The following XRRA1 variants were observed in gnomAD, a reference collection of about 807,000 sequenced individuals.
XRRA1 encodes X-ray radiation resistance-associated protein 1.
A neutral mutation model predicts 80.2 loss-of-function variants in XRRA1; 69 were observed. The observed-to-expected ratio is 0.86, with a 90% CI of 0.71 to 1.05. The LOEUF (loss-of-function observed/expected upper bound fraction) is 1.05, where lower values mean the gene tolerates loss of function less well. XRRA1 is among the 50% of genes least tolerant of loss of function. XRRA1 has a pLI of 0.00. For missense variants in XRRA1, 967 were observed against 976.4 expected (o/e 0.99, Z 0.13); for synonymous variants, 348 against 389.9 (o/e 0.89, Z 1.27).
Position 74,843,210 on chromosome 11 carries a change from G to A in XRRA1, c.2393C>T (p.Ser798Leu). The change falls in exon 19 of 19, where the codon TCA (serine) becomes TTA (leucine). Residue 798 changes from serine to leucine, a missense_variant. Ser to Leu is a moderately radical substitution (Grantham distance 145). Transcript: ENST00000684022. ...EFCQEPTASDSQG is the reference protein window; with the variant it reads ...EFCQEPTASDLQG ...CCCCCATGCACAGCTCTAGCCTTGT[G>A]AGTCACTGGCTGTGGGCTCCTGGCA... The A allele has an allele frequency of 1.3e-6, 2 of 1,557,108 alleles. No homozygotes were observed. The highest frequency in any genetic ancestry group is 1.7e-6 in the Non-Finnish European group (2 of 1,150,390).
intron 12 of XRRA1, among the ~76,000 whole-genome samples, chr11:74,853,784 C>T (rs1001312051): frequency 2.6e-5 from 4 of 152,138 alleles, no homozygotes; most frequent in Non-Finnish European, 5.9e-5. Flanking sequence ...TGAAAGGCCT[C>T]ATAGCCTGCT....
At chr11:74,930,512 C>T in intron 5 of XRRA1, 140 bp from the exon 6 acceptor site, 2 of 650,628 alleles carry the variant, frequency 3.1e-6, no homozygotes, top group Non-Finnish European at 5.3e-6. Flanking sequence ...CAGGAGCAGA[C>T]ACTTGAGTGC....
chr11:74,940,679 G>T, intron 3 of XRRA1, 106 bp downstream of exon 3: 1 of 895,008 alleles, frequency 1.1e-6, no homozygotes, highest in Non-Finnish European at 1.8e-6. Context: ...ATTAGGTAGA[G>T]CAGGGAACAG....
At chr11:74,919,488 A>G (rs1385222700) in intron 8 of XRRA1, 1 of 251,230 alleles carries the variant, frequency 4.0e-6, no homozygotes, top group Non-Finnish European at 7.8e-6. Context: ...AATTAATACC[A>G]TCTATTTGTA....
intron 7 of XRRA1, among the ~76,000 whole-genome samples, chr11:74,923,038 G>A (rs1941296992): frequency 6.6e-6 from 1 of 152,184 alleles, no homozygotes; most frequent in African/African-American, 2.4e-5. Context: ...TGGGATAGAT[G>A]TCTGAAGACA....
At chr11:74,879,523 G>C (rs1590917620) in intron 10 of XRRA1, among the ~76,000 whole-genome samples, 1 of 152,014 alleles carries the variant, frequency 6.6e-6, no homozygotes, top group East Asian at 1.9e-4. Flanking sequence ...TGGTGAGAGA[G>C]GGCATCCCTG....
At position 74,841,217 on chromosome 11, in the gene XRRA1, A is replaced by G. The variant is rs767424748; in HGVS notation, c.*1983T>C. ...ATTGTCCTCAGGCAGCCTTTTCCTC[A>G]TCAACCCATAGAGTGGTCTTTTGAA... On this transcript the variant is annotated 3_prime_UTR_variant, in exon 19 of 19. Transcript: ENST00000684022. The G allele has an allele frequency of 6.6e-6, 1 of 152,212 alleles. No individual in the cohort carries two copies. Among genetic ancestry groups the G allele is most frequent in the Non-Finnish European group, 1.5e-5 (1 of 68,032 alleles). The allele number at this position is 152,212 out of a possible 1,614,324, so 9.4% of individuals were successfully genotyped here.
chr11:74,856,293 A>G (rs1028180516), intron 12 of XRRA1, among the ~76,000 whole-genome samples: 5 of 152,252 alleles, frequency 3.3e-5, no homozygotes, highest in African/African-American at 1.2e-4. Flanking sequence ...ATGTGACAAT[A>G]GACAAAAAGA....
chr11:74,903,431 C>A (rs567165475), intron 10 of XRRA1, among the ~76,000 whole-genome samples: 1 of 152,142 alleles, frequency 6.6e-6, no homozygotes, highest in East Asian at 1.9e-4. Flanking sequence ...AGGCTGGGCG[C>A]GGTGGCTCAC....
rs531023709 is a variant in XRRA1, at chr11:74,887,594, G to A, written c.1003+18645C>T. 1.4e-3 allele frequency among the ~76,000 whole-genome samples: 211 copies of A among 152,264 alleles called. 1 individual carries two copies. The highest frequency in any genetic ancestry group is 4.7e-3 in the African/African-American group (194 of 41,562). On this transcript the variant is annotated intron_variant, in intron 10 of 18. Coordinates refer to ENST00000684022, the MANE Select transcript of XRRA1 (RefSeq NM_001378157.1). ...GTGGGTGCAGGACAGTGGGTGCAGCGCACCGAGTGTGAGCCAAAGCAGGGC... is the reference window on the plus strand; with the variant it reads ...GTGGGTGCAGGACAGTGGGTGCAGCACACCGAGTGTGAGCCAAAGCAGGGC...
At chr11:74,881,122 C>G (rs2047456191) in intron 10 of XRRA1, among the ~76,000 whole-genome samples, 1 of 147,796 alleles carries the variant, frequency 6.8e-6, no homozygotes, top group East Asian at 2.0e-4. Context: ...TCACTCAGGA[C>G]TTGCTTTATG....
chr11:74,917,260 T>TA (rs746064743), intron 8 of XRRA1, among the ~76,000 whole-genome samples: 42 of 152,232 alleles, frequency 2.8e-4, no homozygotes, highest in Non-Finnish European at 5.6e-4. Context: ...ATATATTTCT[T>TA]ATTCTAATTT....
chr11:74,865,267 A>G (rs1214445515), intron 10 of XRRA1, among the ~76,000 whole-genome samples: 3 of 152,070 alleles, frequency 2.0e-5, no homozygotes, highest in Non-Finnish European at 4.4e-5. Context: ...TCCAGCCTCT[A>G]CCTCACAGCA....
At position 74,843,265 on chromosome 11, in the gene XRRA1, C is replaced by T. The variant is rs1328814911; in HGVS notation, c.2338G>A (p.Gly780Ser). Residue 780 changes from glycine to serine, a missense_variant, in exon 19 of 19, where the codon GGC (glycine) becomes AGC (serine). Physicochemically the swap from Gly to Ser is moderately conservative, Grantham distance 56. Coordinates refer to ENST00000684022, the MANE Select transcript of XRRA1 (RefSeq NM_001378157.1). Reference sequence around the variant, plus strand: ...TCATCCATGAACTCGAGGAAGTGGCCGAACTTGGGCTGGCTCTCACTCAGC... The same window carrying T: ...TCATCCATGAACTCGAGGAAGTGGCTGAACTTGGGCTGGCTCTCACTCAGC... ...PALSESQPKF[G>S]HFLEFMDEFC... is the part of the protein sequence containing the mutation. The T allele has an allele frequency of 8.2e-6, 13 of 1,576,634 alleles. No individual in the cohort carries two copies. The highest frequency in any genetic ancestry group is 1.7e-4 in the Middle Eastern group (1 of 6,042).
chr11:74,890,259 G>A (rs1265338696), intron 10 of XRRA1, among the ~76,000 whole-genome samples: 4 of 152,100 alleles, frequency 2.6e-5, no homozygotes, highest in Admixed American at 6.6e-5. Flanking sequence ...ACTCAAACCC[G>A]CTCAACTACA....
intron 10 of XRRA1, among the ~76,000 whole-genome samples, chr11:74,889,782 C>G (rs2050141439): frequency 6.6e-6 from 1 of 152,104 alleles, no homozygotes; most frequent in Admixed American, 6.6e-5. Flanking sequence ...GACTTTAAAC[C>G]AACAAAGATC....
At chr11:74,904,276 G>C (rs1160097781) in intron 10 of XRRA1, among the ~76,000 whole-genome samples, 1 of 152,108 alleles carries the variant, frequency 6.6e-6, no homozygotes, top group African/African-American at 2.4e-5. Flanking sequence ...TCTAGGTGTT[G>C]ATAGACAAAA....
At chr11:74,892,385 C>T (rs529249960) in intron 10 of XRRA1, among the ~76,000 whole-genome samples, 1 of 151,946 alleles carries the variant, frequency 6.6e-6, no homozygotes, top group South Asian at 2.1e-4. Flanking sequence ...CCGTCCTTAC[C>T]CCTTATACAA....
At position 74,933,884 on chromosome 11, in the gene XRRA1, T is replaced by C. The variant is rs755577057; in HGVS notation, c.280-12A>G. 2.5e-6 allele frequency: 4 copies of C among 1,597,958 alleles called. No individual in the cohort carries two copies. Among genetic ancestry groups the C allele is most frequent in the Non-Finnish European group, 3.4e-6 (4 of 1,171,902 alleles). ...CAGTGGTGCTTCAGCTGGAACATAA[T>C]ACAAAGAGTTGTCTCTTAAGGCCCC... On this transcript the variant is annotated splice_polypyrimidine_tract_variant and intron_variant, in intron 4 of 18. Transcript: ENST00000684022.
Sources: gnomAD v4.1 joint callset for allele counts (sites outside exome capture counted in the v4.1 genomes callset) on GRCh38, gnomAD v4.1.1 for gene constraint, MANE v1.5 for transcripts, NCBI Gene and HGNC (gene_info 2026-07-23, HGNC 2026-07-21) for gene names.